Variants in LRTM3 observed in about 807,000 individuals in gnomAD.
LRTM3 encodes the protein leucine rich repeat transmembrane protein 3.
At chr13:102,738,049 C>T in the LRTM3 span, 3 of 1,550,128 alleles carry the variant, frequency 1.9e-6, no homozygotes, top group Admixed American at 2.0e-5. Context: ...CTCTTCTGTC[C>T]TCTTTCCCTT....
At chr13:102,740,604 C>T in the LRTM3 span, 9 of 1,548,708 alleles carry the variant, frequency 5.8e-6, no homozygotes, top group Non-Finnish European at 7.9e-6. Flanking sequence ...TGTTTCACTG[C>T]TTCTCTTGTC....
chr13:102,747,183 A>G, the LRTM3 span: 1 of 1,550,612 alleles, frequency 6.4e-7, no homozygotes, highest in East Asian at 2.4e-5. Context: ...TCAATTTGGG[A>G]TTCCTCTTGG....
chr13:102,741,256 G>C, the LRTM3 span: 1 of 1,550,192 alleles, frequency 6.5e-7, no homozygotes, highest in East Asian at 2.4e-5. Context: ...GATTTTCATT[G>C]AAACTTTCAG....
At chr13:102,753,439 C>A in the LRTM3 span, among the ~76,000 whole-genome samples, 2 of 149,668 alleles carry the variant, frequency 1.3e-5, no homozygotes, top group Non-Finnish European at 3.0e-5. Flanking sequence ...CACATGTATA[C>A]CTATGTAACA....
the LRTM3 span, chr13:102,733,160 G>A: frequency 6.4e-7 from 1 of 1,551,442 alleles, no homozygotes; most frequent in East Asian, 2.4e-5. Context: ...GTTCGTCCTG[G>A]TCTTGTGCCC....
chr13:102,737,573 T>C, the LRTM3 span: 2 of 1,550,812 alleles, frequency 1.3e-6, no homozygotes, highest in Non-Finnish European at 1.7e-6. Flanking sequence ...TTTCCCTGGC[T>C]CTTTAGGATT....
At chr13:102,758,397 A>G in the LRTM3 span, 1 of 1,504,886 alleles carries the variant, frequency 6.6e-7, no homozygotes, top group Non-Finnish European at 9.0e-7. Context: ...TATTTTTGTG[A>G]TATATCACAT....
At chr13:102,756,684 AAAAAAAAAAAAC>A in the LRTM3 span, among the ~76,000 whole-genome samples, 3 of 112,996 alleles carry the variant, frequency 2.7e-5, no homozygotes, top group South Asian at 3.4e-4. Flanking sequence ...AAAAAAAAAA[AAAAAAAAAAAAC>A]AAAAAAACAA....
chr13:102,742,345 T>G, the LRTM3 span: 11 of 1,548,400 alleles, frequency 7.1e-6, no homozygotes, highest in East Asian at 2.4e-5. Flanking sequence ...CTTTATGTCT[T>G]ATGATTTTAG....
At chr13:102,743,294 A>G in the LRTM3 span, 2 of 1,550,410 alleles carry the variant, frequency 1.3e-6, no homozygotes, top group South Asian at 2.4e-5. Flanking sequence ...TAACCCTGAT[A>G]TTCTCATGTC....
chr13:102,734,641 A>G, the LRTM3 span: 3 of 1,550,968 alleles, frequency 1.9e-6, no homozygotes, highest in South Asian at 2.4e-5. Flanking sequence ...CTTTTGGGAT[A>G]TCACCAACGA....
At chr13:102,745,884 G>C in the LRTM3 span, 3 of 1,551,192 alleles carry the variant, frequency 1.9e-6, no homozygotes, top group Non-Finnish European at 2.6e-6. Context: ...TGTGTAAAAT[G>C]TGTTTGTGGT....
chr13:102,755,944 TATATATATATATA>T, the LRTM3 span, among the ~76,000 whole-genome samples: 35 of 37,658 alleles, frequency 9.3e-4, no homozygotes, highest in African/African-American at 2.2e-3. Flanking sequence ...TATATATACA[TATATATATATATA>T]TATATTTTTT....
chr13:102,730,373 A>G, the LRTM3 span: 1 of 1,550,976 alleles, frequency 6.4e-7, no homozygotes, highest in Non-Finnish European at 8.7e-7. Context: ...TGGACTCTCA[A>G]TATCTGTCTG....
the LRTM3 span, chr13:102,736,110 C>G: frequency 5.2e-6 from 8 of 1,541,216 alleles, no homozygotes; most frequent in Non-Finnish European, 7.0e-6. Flanking sequence ...GAGCTAATAC[C>G]TTCATTTGAA....
the LRTM3 span, chr13:102,738,091 C>T: frequency 6.4e-7 from 1 of 1,551,012 alleles, no homozygotes; most frequent in Non-Finnish European, 8.7e-7. Context: ...CTTTCCCTTG[C>T]TCCTGAGCTT....
At chr13:102,738,306 T>C in the LRTM3 span, 9 of 1,551,044 alleles carry the variant, frequency 5.8e-6, no homozygotes, top group Non-Finnish European at 7.0e-6. Context: ...CCATCTGCTT[T>C]TTCCCCTGCC....
chr13:102,740,549 T>G, the LRTM3 span: 1 of 1,549,456 alleles, frequency 6.5e-7, no homozygotes, highest in Non-Finnish European at 8.7e-7. Flanking sequence ...GAGTAAGTCT[T>G]GTCTTTTTTT....
At chr13:102,747,509 A>G in the LRTM3 span, 1 of 1,550,826 alleles carries the variant, frequency 6.4e-7, no homozygotes, top group Non-Finnish European at 8.7e-7. Context: ...TGGTAAAGTA[A>G]GCAAGTGGTT....
Sources: gnomAD v4.1 joint callset for allele counts (sites outside exome capture counted in the v4.1 genomes callset) on GRCh38, gnomAD v4.1.1 for gene constraint, MANE v1.5 for transcripts, NCBI Gene and HGNC (gene_info 2026-07-23, HGNC 2026-07-21) for gene names.